FGF13: variants seen among roughly 807,000 people sequenced by gnomAD.
FGF13 encodes fibroblast growth factor homologous factor 2.
FGF13 carries 2 observed loss-of-function variants against 19.5 expected under a neutral mutation model. The ratio of observed to expected loss-of-function variants is 0.10; its 90% CI spans 0.04 to 0.32. FGF13 has a LOEUF of 0.32. FGF13 is among the 10% of genes least tolerant of loss of function. FGF13 has a pLI of 1.00. For missense variants in FGF13, 113 were observed against 192.7 expected, an observed-to-expected ratio of 0.59 and a Z score of 2.45; for synonymous variants, 72 against 76.9, an observed-to-expected ratio of 0.94 and a Z score of 0.33.
At chrX:139,093,175 G>T (rs1454847344) in intron 1 of FGF13, among the ~76,000 whole-genome samples, 3 of 112,313 alleles carry the variant, frequency 2.7e-5, no homozygotes, top group Non-Finnish European at 5.6e-5. Flanking sequence ...CCTATGAAAA[G>T]AGATGTAAAA....
At chrX:138,673,317 T>C (rs781293964) in intron 3 of FGF13, among the ~76,000 whole-genome samples, 15 of 111,336 alleles carry the variant, frequency 1.3e-4, no homozygotes, top group Admixed American at 2.9e-4. Flanking sequence ...TTGATTTGCA[T>C]AGGGCTCAGG....
At chrX:139,137,943 T>C (rs973679777) in intron 1 of FGF13, among the ~76,000 whole-genome samples, 8 of 112,321 alleles carry the variant, frequency 7.1e-5, no homozygotes, top group Non-Finnish European at 3.8e-5. Flanking sequence ...TCATCATCTT[T>C]GCAGACAGAG....
At chrX:139,155,253 C>A (rs148154456) in intron 1 of FGF13, among the ~76,000 whole-genome samples, 1 of 112,379 alleles carries the variant, frequency 8.9e-6, no homozygotes, top group Non-Finnish European at 1.9e-5. Context: ...GCTCCTGTGT[C>A]TTGAAGCCTC....
At chrX:138,984,523 G>GAAGAAGAAGAAGAA in intron 1 of FGF13, among the ~76,000 whole-genome samples, 1 of 31,590 alleles carries the variant, frequency 3.2e-5, no homozygotes, top group East Asian at 1.4e-3. Context: ...AAGAAGAAGA[G>GAAGAAGAAGAAGAA]GAAGAAGAAG....
chrX:138,743,285 T>C (rs2090331963), upstream of FGF13, among the ~76,000 whole-genome samples: 1 of 111,558 alleles, frequency 9.0e-6, no homozygotes, highest in Non-Finnish European at 1.9e-5. Flanking sequence ...GAAGCCAATC[T>C]GAAAAGGTTA....
chrX:138,698,545 G>T (rs1432181620), intron 3 of FGF13, among the ~76,000 whole-genome samples: 1 of 111,573 alleles, frequency 9.0e-6, no homozygotes, highest in African/African-American at 3.3e-5. Context: ...CTTCAGTGGC[G>T]TGTCCTCAGT....
intron 1 of FGF13, among the ~76,000 whole-genome samples, chrX:139,105,409 G>A (rs899487341): frequency 2.7e-5 from 3 of 110,370 alleles, no homozygotes; most frequent in Non-Finnish European, 5.7e-5. Context: ...TTATGTTCTC[G>A]TCTGACCTCA....
chrX:139,174,169 T>G (rs1017741873), intron 1 of FGF13, among the ~76,000 whole-genome samples: 5 of 112,784 alleles, frequency 4.4e-5, no homozygotes. Context: ...TGAACTTTCT[T>G]TCATATGTTT....
chrX:139,204,694 T>C (rs1475122029), upstream of FGF13, among the ~76,000 whole-genome samples: 1 of 113,214 alleles, frequency 8.8e-6, no homozygotes, highest in Admixed American at 9.2e-5. Flanking sequence ...AATATTCACT[T>C]AAAAATAACA....
chrX:138,678,265 C>T (rs1018770260), intron 3 of FGF13, among the ~76,000 whole-genome samples: 3 of 110,341 alleles, frequency 2.7e-5, no homozygotes, highest in Non-Finnish European at 5.7e-5. Flanking sequence ...ATACCTAATG[C>T]TAAATGACAA....
At chrX:138,867,782 AATCTATCTATCTATCTATCT>A (rs11461039) in intron 1 of FGF13, among the ~76,000 whole-genome samples, 34 of 94,480 alleles carry the variant, frequency 3.6e-4, no homozygotes, top group African/African-American at 1.3e-3. Flanking sequence ...ACTGTCTCTA[AATCTATCTATCTATCTATCT>A]ATCTATCTAT....
At chrX:139,125,338 G>A (rs1454346101) in intron 1 of FGF13, among the ~76,000 whole-genome samples, 1 of 112,021 alleles carries the variant, frequency 8.9e-6, no homozygotes, top group African/African-American at 3.2e-5. Context: ...GCAATAAAAA[G>A]ACGTTCAGCT....
At chrX:138,778,214 T>C (rs995158429) in intron 3 of FGF13, among the ~76,000 whole-genome samples, 1 of 106,576 alleles carries the variant, frequency 9.4e-6, no homozygotes, top group African/African-American at 3.5e-5. Flanking sequence ...CACAGATATA[T>C]GAAAAGGTGC....
At chrX:138,952,889 C>T (rs1178874535) in intron 1 of FGF13, among the ~76,000 whole-genome samples, 2 of 110,461 alleles carry the variant, frequency 1.8e-5, no homozygotes, top group Non-Finnish European at 3.8e-5. Context: ...TACCACCTCA[C>T]ACCAGTTAGA....
At position 138,654,794 on chromosome X, in the gene FGF13, G is replaced by A. The variant is rs149617560; in HGVS notation, c.403-19139C>T. Among the ~76,000 whole-genome samples the A allele has an allele frequency of 6.7e-3, 748 of 111,111 alleles. 8 individuals carry two copies. Among genetic ancestry groups the A allele is most frequent in the South Asian group, 0.053 (137 of 2,591 alleles). On this transcript the variant is annotated intron_variant, in intron 3 of 4. Transcript: ENST00000315930. ...ATACATACATAAATAGCGGGGTGAT[G>A]GCAGGTAATGAAATTCTGTGACCTC...
At chrX:139,149,268 T>A (rs1405289274) in intron 1 of FGF13, among the ~76,000 whole-genome samples, 2 of 112,196 alleles carry the variant, frequency 1.8e-5, no homozygotes, top group African/African-American at 3.2e-5. Flanking sequence ...AGGTTTTCCA[T>A]TTCTAGACCT....
intron 3 of FGF13, among the ~76,000 whole-genome samples, chrX:138,817,279 C>T (rs1423141741): frequency 8.9e-6 from 1 of 111,905 alleles, no homozygotes; most frequent in Admixed American, 9.5e-5. Flanking sequence ...AGACACTGGG[C>T]TTCCATCCCT....
intron 3 of FGF13, among the ~76,000 whole-genome samples, chrX:138,752,296 G>A (rs999641930): frequency 1.8e-5 from 2 of 110,971 alleles, no homozygotes; most frequent in African/African-American, 6.6e-5. Flanking sequence ...GCATGGTGGT[G>A]CATGCCTGTA....
intron 1 of FGF13, among the ~76,000 whole-genome samples, chrX:139,165,944 C>A (rs2084081064): frequency 8.9e-6 from 1 of 111,891 alleles, no homozygotes; most frequent in Non-Finnish European, 1.9e-5. Flanking sequence ...TAGGAAGTAA[C>A]TAACTTGCTT....
Sources: allele counts gnomAD v4.1 joint callset (sites outside exome capture counted in the v4.1 genomes callset), GRCh38; gene constraint gnomAD v4.1.1; transcripts MANE v1.5; gene names NCBI Gene and HGNC (gene_info 2026-07-23, HGNC 2026-07-21).